The following CMIP variants were observed in gnomAD, a reference collection of about 807,000 sequenced individuals.
CMIP encodes the protein c-Maf inducing protein.
A neutral mutation model predicts 97.3 loss-of-function variants in CMIP; 13 were observed. The observed-to-expected ratio is 0.13, with a 90% confidence interval of 0.09 to 0.21. The LOEUF (loss-of-function observed/expected upper bound fraction) is 0.21. Ranked by LOEUF, CMIP falls within the 10% of genes least tolerant of loss-of-function variation. The pLI is 1.00. For missense variants in CMIP, 847 were observed against 1,024.9 expected, an observed-to-expected ratio of 0.83 and a Z score of 2.37; for synonymous variants, 538 against 436.3, an observed-to-expected ratio of 1.23 and a Z score of -2.91.
intron 3 of CMIP, chr16:81,632,011 A>G (rs148897941): frequency 4.7e-4 from 72 of 152,296 alleles, no homozygotes; most frequent in Admixed American, 6.5e-4. Context: ...CACTATCCCT[A>G]AATCTCTCTT....
chr16:81,534,906 G>A (rs2090312273), intron 1 of CMIP, among the ~76,000 whole-genome samples: 1 of 152,138 alleles, frequency 6.6e-6, no homozygotes, highest in Non-Finnish European at 1.5e-5. Flanking sequence ...CTGATATACT[G>A]TCCTTGCTCT....
chr16:81,490,590 A>G (rs2089389533), intron 1 of CMIP, among the ~76,000 whole-genome samples: 1 of 152,222 alleles, frequency 6.6e-6, no homozygotes, highest in African/African-American at 2.4e-5. Flanking sequence ...ATCGCACTCT[A>G]GCCTGGGCGA....
intron 10 of CMIP, among the ~76,000 whole-genome samples, chr16:81,689,957 G>A (rs1050870423): frequency 1.3e-5 from 2 of 152,116 alleles, no homozygotes; most frequent in African/African-American, 4.8e-5. Context: ...CAAAGATCAG[G>A]TGGTTGTAGA....
intron 1 of CMIP, among the ~76,000 whole-genome samples, chr16:81,524,378 A>C (rs1277944733): frequency 6.6e-6 from 1 of 152,262 alleles, no homozygotes; most frequent in South Asian, 2.1e-4. Flanking sequence ...AGAGAGAATT[A>C]TAAGTCTGAG....
At chr16:81,595,686 G>A (rs2091544044) in intron 1 of CMIP, among the ~76,000 whole-genome samples, 1 of 152,140 alleles carries the variant, frequency 6.6e-6, no homozygotes, top group Admixed American at 6.5e-5. Context: ...ACCACGCCTA[G>A]CCCGCATAAT....
chr16:81,492,545 A>G (rs1292356528), intron 1 of CMIP, among the ~76,000 whole-genome samples: 1 of 151,934 alleles, frequency 6.6e-6, no homozygotes, highest in Non-Finnish European at 1.5e-5. Flanking sequence ...GGTGGCCGGG[A>G]GCGAGTGTGC....
At chr16:81,544,634 G>GTGCA (rs2090510788) in intron 1 of CMIP, among the ~76,000 whole-genome samples, 5 of 151,964 alleles carry the variant, frequency 3.3e-5, no homozygotes, top group Admixed American at 3.3e-4. Context: ...GTGTGCATGT[G>GTGCA]TGTGTGCCTG....
chr16:81,580,916 A>C (rs926716748), intron 1 of CMIP, among the ~76,000 whole-genome samples: 1 of 152,098 alleles, frequency 6.6e-6, no homozygotes, highest in African/African-American at 2.4e-5. Context: ...TCTCGTGCCC[A>C]TTAGCAGTCA....
intron 1 of CMIP, among the ~76,000 whole-genome samples, chr16:81,561,735 C>T (rs776048633): frequency 1.8e-4 from 27 of 152,224 alleles, no homozygotes; most frequent in Admixed American, 5.9e-4. Context: ...GTATTCTAAA[C>T]CTCCAGTCTA....
chr16:81,564,364 A>G (rs2090940877), intron 1 of CMIP, among the ~76,000 whole-genome samples: 1 of 152,198 alleles, frequency 6.6e-6, no homozygotes. Flanking sequence ...ACTTGATTTA[A>G]AAGTACATAT....
chr16:81,478,352 C>A (rs1360438521), intron 1 of CMIP, among the ~76,000 whole-genome samples: 1 of 152,136 alleles, frequency 6.6e-6, no homozygotes, highest in Non-Finnish European at 1.5e-5. Flanking sequence ...CTGCATGGCG[C>A]CAGCAGCTCC....
intron 10 of CMIP, among the ~76,000 whole-genome samples, chr16:81,680,251 G>T (rs1409363149): frequency 6.6e-6 from 1 of 152,226 alleles, no homozygotes; most frequent in African/African-American, 2.4e-5. Context: ...GCAGCGTTTG[G>T]TCATTCTGTC....
intron 1 of CMIP, among the ~76,000 whole-genome samples, chr16:81,588,142 C>T (rs192916963): frequency 7.2e-5 from 11 of 152,270 alleles, no homozygotes; most frequent in African/African-American, 1.4e-4. Context: ...TCAAACAGAA[C>T]GAGACCCTCC....
At chr16:81,483,048 T>C (rs1369484350) in intron 1 of CMIP, among the ~76,000 whole-genome samples, 2 of 152,162 alleles carry the variant, frequency 1.3e-5, no homozygotes, top group Non-Finnish European at 2.9e-5. Flanking sequence ...AACACGGAAA[T>C]ATAGAATCTT....
At chr16:81,475,994 A>G (rs1597460355) in intron 1 of CMIP, 1 of 550,948 alleles carries the variant, frequency 1.8e-6, no homozygotes, top group East Asian at 3.9e-5. Context: ...CTCAAAAAAA[A>G]AAAAAAAAGA....
chr16:81,591,499 C>T (rs895631448), intron 1 of CMIP, among the ~76,000 whole-genome samples: 1 of 152,210 alleles, frequency 6.6e-6, no homozygotes, highest in Admixed American at 6.5e-5. Flanking sequence ...GATTCAAAGA[C>T]AAATGAGCTG....
intron 13 of CMIP, among the ~76,000 whole-genome samples, chr16:81,694,130 T>TGTGA (rs1362014242): frequency 3.9e-5 from 6 of 152,206 alleles, no homozygotes; most frequent in Non-Finnish European, 8.8e-5. Context: ...ACAGCATCCC[T>TGTGA]GTGAGTGTCT....
intron 1 of CMIP, among the ~76,000 whole-genome samples, chr16:81,483,015 T>C (rs1179203018): frequency 6.6e-6 from 1 of 152,188 alleles, no homozygotes; most frequent in Non-Finnish European, 1.5e-5. Context: ...GGAGCCCCCA[T>C]TCTACTGGAG....
Position 81,678,413 on chromosome 16 carries a change from G to A in CMIP, c.1173G>A (p.Arg391=). The A allele has an allele frequency of 1.3e-6, 2 of 1,599,824 alleles. No individual in the cohort carries two copies. Among genetic ancestry groups the A allele is most frequent in the Admixed American group, 1.7e-5 (1 of 57,986 alleles). Residue 391 remains arginine (R), a synonymous_variant, in exon 10 of 21, where the codon CGG becomes CGA. Transcript: ENST00000537098. ...VSQEATLSEA[R]LKSVVVASSE... The stretch of plus-strand genomic sequence containing the variant: ...AGGAAGCCACGCTGTCTGAGGCCCG[G>A]CTCAAGTCGGTGGTCGTGGCCTCCA...
Sources: gnomAD v4.1 joint callset for allele counts (sites outside exome capture counted in the v4.1 genomes callset) on GRCh38, gnomAD v4.1.1 for gene constraint, MANE v1.5 for transcripts, NCBI Gene and HGNC (gene_info 2026-07-23, HGNC 2026-07-21) for gene names.